The following NCAM1 variants were observed in gnomAD, a reference collection of about 807,000 sequenced individuals.
The protein encoded by NCAM1 is antigen recognized by monoclonal antibody 5.1H11.
In NCAM1, 14 loss-of-function variants were observed where a neutral mutation model predicts 109.8. The observed-to-expected ratio is 0.13, with a 90% CI of 0.08 to 0.20. The LOEUF (loss-of-function observed/expected upper bound fraction) is 0.20. NCAM1 is among the 10% of genes least tolerant of loss of function. The probability of loss-of-function intolerance (pLI) is 1.00; values close to 1 mark genes in which losing one functional copy is unlikely to be tolerated. For missense variants in NCAM1, 774 were observed against 1,109.9 expected, an observed-to-expected ratio of 0.70 and a Z score of 4.30; for synonymous variants, 418 against 442.9, an observed-to-expected ratio of 0.94 and a Z score of 0.70.
At chr11:112,982,981 G>A (rs1400112481) in intron 1 of NCAM1, among the ~76,000 whole-genome samples, 2 of 151,918 alleles carry the variant, frequency 1.3e-5, no homozygotes, top group East Asian at 3.9e-4. Context: ...GAGAAGCAGA[G>A]AGGACCAGGA....
chr11:113,147,748 A>G (rs1419401657), intron 1 of NCAM1, among the ~76,000 whole-genome samples: 1 of 152,206 alleles, frequency 6.6e-6, no homozygotes, highest in East Asian at 1.9e-4. Context: ...ATATGGTGAG[A>G]ATGATGCTGG....
intron 1 of NCAM1, among the ~76,000 whole-genome samples, chr11:113,187,604 T>C (rs1479304704): frequency 1.3e-5 from 2 of 150,802 alleles, no homozygotes; most frequent in Admixed American, 1.3e-4. Context: ...GGCATTAAGA[T>C]CTGCATAAGC....
chr11:113,248,058 G>A (rs1429622409), intron 15 of NCAM1, among the ~76,000 whole-genome samples: 5 of 152,042 alleles, frequency 3.3e-5, no homozygotes, highest in Admixed American at 1.3e-4. Context: ...AATTCGGAAC[G>A]AAACAAAGCA....
intron 1 of NCAM1, among the ~76,000 whole-genome samples, chr11:113,144,611 A>G (rs1591364100): frequency 2.6e-5 from 4 of 152,166 alleles, no homozygotes; most frequent in African/African-American, 9.7e-5. Flanking sequence ...AGCTGACCCT[A>G]CTCATTACCC....
At chr11:113,021,052 C>G (rs1555076217) in intron 1 of NCAM1, among the ~76,000 whole-genome samples, 1 of 152,176 alleles carries the variant, frequency 6.6e-6, no homozygotes, top group East Asian at 1.9e-4. Flanking sequence ...CCACCGCACC[C>G]AAGCTTATTA....
At chr11:113,119,732 A>G (rs1940871971) in intron 1 of NCAM1, among the ~76,000 whole-genome samples, 1 of 152,104 alleles carries the variant, frequency 6.6e-6, no homozygotes, top group Admixed American at 6.5e-5. Context: ...AAATTCTGTT[A>G]GCTAAATGTC....
chr11:113,204,513 C>T lies in NCAM1; in HGVS notation c.346+9C>T. On this transcript the variant is annotated intron_variant, in intron 3 of 19. Transcript: ENST00000316851. ...CAACGTGAAGATCTTTCGTAAGAGCCTCCTTCTTCTTCTGCATTCTCTGGC... is the reference window on the plus strand; with the variant it reads ...CAACGTGAAGATCTTTCGTAAGAGCTTCCTTCTTCTTCTGCATTCTCTGGC... 1 of 1,612,924 alleles carries T rather than the reference C, an allele frequency of 6.2e-7. No homozygotes were observed. The highest frequency in any genetic ancestry group is 8.5e-7 in the Non-Finnish European group (1 of 1,179,126).
intron 1 of NCAM1, among the ~76,000 whole-genome samples, chr11:113,194,036 G>A (rs1943778286): frequency 6.6e-6 from 1 of 152,168 alleles, no homozygotes; most frequent in South Asian, 2.1e-4. Context: ...GCTTGGCTCT[G>A]TGTTCTGATT....
Position 113,244,064 on chromosome 11 carries a change from GT to G in NCAM1, c.1826-2295del, listed in dbSNP as rs573335691. The stretch of plus-strand genomic sequence containing the variant: ...ATGGGTTTAATTCAGATTATGAGGG[GT>G]TTTTTTTTACATTTGGAAAAGGAAT... On this transcript the variant is annotated intron_variant, in intron 14 of 19. Coordinates refer to ENST00000316851, the MANE Select transcript of NCAM1 (RefSeq NM_181351.5). Among the ~76,000 whole-genome samples the G allele has an allele frequency of 2.3e-3, 355 of 151,100 alleles. 2 individuals are homozygous for G. The highest frequency in any genetic ancestry group is 3.7e-3 in the Admixed American group (56 of 15,160).
At chr11:113,093,403 T>A (rs954479352) in intron 1 of NCAM1, among the ~76,000 whole-genome samples, 1 of 152,204 alleles carries the variant, frequency 6.6e-6, no homozygotes, top group African/African-American at 2.4e-5. Context: ...GCTGTTGCAT[T>A]GCACCAATTG....
rs1555073910 is a variant in NCAM1 at position 113,009,312 on chromosome 11, G to GTTTTTTTGTTGTTGTTTTT, written c.52+47655_52+47656insGTTGTTGTTTTTTTTTTTT. 1.6e-4 allele frequency among the ~76,000 whole-genome samples: 13 copies of GTTTTTTTGTTGTTGTTTTT among 79,686 alleles called. 1 individual carries two copies. Among genetic ancestry groups the GTTTTTTTGTTGTTGTTTTT allele is most frequent in the African/African-American group, 2.9e-4 (6 of 20,662 alleles). The allele number at this position is 79,686 out of a possible 152,430, so 52.3% of individuals were successfully genotyped here. On this transcript the variant is annotated intron_variant, in intron 1 of 19. Coordinates refer to ENST00000316851, the MANE Select transcript of NCAM1 (RefSeq NM_181351.5). ...GATTTAATTGGAAGGGTTTTTTCGG[G>GTTTTTTTGTTGTTGTTTTT]TTTTTTTTTTTTTTTTTTTTTTTTT...
At chr11:113,137,341 TA>T (rs1941638815) in intron 1 of NCAM1, among the ~76,000 whole-genome samples, 1 of 152,268 alleles carries the variant, frequency 6.6e-6, no homozygotes, top group South Asian at 2.1e-4. Context: ...GTAAGTTATT[TA>T]AAAGGAGAAC....
intron 1 of NCAM1, among the ~76,000 whole-genome samples, chr11:113,001,202 G>A (rs1318013109): frequency 6.6e-6 from 1 of 152,152 alleles, no homozygotes; most frequent in Non-Finnish European, 1.5e-5. Flanking sequence ...TCACCACTTT[G>A]TGATAGTATG....
intron 15 of NCAM1, among the ~76,000 whole-genome samples, chr11:113,249,611 C>T (rs1419219669): frequency 2.0e-5 from 3 of 152,154 alleles, no homozygotes; most frequent in African/African-American, 7.2e-5. Flanking sequence ...AGGCAGGAGC[C>T]GAGTTAACTG....
intron 9 of NCAM1, 55 bp downstream of exon 9, chr11:113,221,380 A>T (rs1555115291): frequency 1.3e-6 from 2 of 1,528,654 alleles, no homozygotes; most frequent in Non-Finnish European, 1.8e-6. Context: ...TTACAGTTTA[A>T]CTCACCATTG....
chr11:113,238,508 G>A (rs897885317), intron 14 of NCAM1, among the ~76,000 whole-genome samples: 7 of 152,164 alleles, frequency 4.6e-5, no homozygotes, highest in Admixed American at 4.6e-4. Context: ...CCTGAAAACA[G>A]ATATCATTGG....
chr11:113,031,404 G>A (rs577550920), intron 1 of NCAM1, among the ~76,000 whole-genome samples: 25 of 152,258 alleles, frequency 1.6e-4, no homozygotes, highest in African/African-American at 5.3e-4. Flanking sequence ...TAAATAGACC[G>A]TAGAAGGCCA....
chr11:112,995,117 C>A (rs1591226313), intron 1 of NCAM1, among the ~76,000 whole-genome samples: 1 of 151,976 alleles, frequency 6.6e-6, no homozygotes, highest in Admixed American at 6.6e-5. Flanking sequence ...TGCTTTCGTA[C>A]CTACTGCTGA....
chr11:113,202,063 T>G (rs1442923324), intron 1 of NCAM1, among the ~76,000 whole-genome samples: 1 of 152,086 alleles, frequency 6.6e-6, no homozygotes, highest in South Asian at 2.1e-4. Flanking sequence ...TCTCAAGGGG[T>G]TGGAAACATT....
Sources: allele counts gnomAD v4.1 joint callset (sites outside exome capture counted in the v4.1 genomes callset), GRCh38; gene constraint gnomAD v4.1.1; transcripts MANE v1.5; gene names NCBI Gene and HGNC (gene_info 2026-07-23, HGNC 2026-07-21).